Variants in CCNY observed in about 807,000 individuals in gnomAD.
CCNY encodes the protein cyclin Y.
CCNY carries 19 observed loss-of-function variants against 42.8 expected under a neutral mutation model. The observed-to-expected ratio is 0.44, with a 90% confidence interval of 0.31 to 0.65. CCNY has a LOEUF of 0.65. Ranked by LOEUF, CCNY falls within the 30% of genes least tolerant of loss-of-function variation. The probability of loss-of-function intolerance (pLI) is 0.07; values close to 1 mark genes in which losing one functional copy is unlikely to be tolerated. For missense variants in CCNY, 370 were observed against 437.3 expected, an observed-to-expected ratio of 0.85 and a Z score of 1.37; for synonymous variants, 165 against 162.7, an observed-to-expected ratio of 1.01 and a Z score of -0.11.
At chr10:35,449,415 G>A (rs1259109277) in intron 1 of CCNY, among the ~76,000 whole-genome samples, 2 of 152,150 alleles carry the variant, frequency 1.3e-5, no homozygotes, top group African/African-American at 2.4e-5. Flanking sequence ...CTTGGTAAGA[G>A]CTGGAGAGTT....
intron 1 of CCNY, among the ~76,000 whole-genome samples, chr10:35,355,118 T>C (rs1479175603): frequency 6.6e-6 from 1 of 152,054 alleles, no homozygotes; most frequent in Non-Finnish European, 1.5e-5. Flanking sequence ...GGTCAAGGTT[T>C]AGGTTTGGGG....
intron 3 of CCNY, among the ~76,000 whole-genome samples, chr10:35,325,741 T>C (rs1390389002): frequency 3.3e-5 from 5 of 152,132 alleles, no homozygotes. Flanking sequence ...AGTGCTGGGA[T>C]TATAAGGGTT....
chr10:35,311,271 T>C (rs934397398), intron 3 of CCNY, among the ~76,000 whole-genome samples: 2 of 151,680 alleles, frequency 1.3e-5, no homozygotes, highest in African/African-American at 4.9e-5. Flanking sequence ...TGAGCTATGA[T>C]TGTACCACTG....
At chr10:35,249,350 G>T (rs2095710261) in intron 2 of CCNY, among the ~76,000 whole-genome samples, 1 of 152,258 alleles carries the variant, frequency 6.6e-6, no homozygotes, top group South Asian at 2.1e-4. Context: ...TGCAAGCAAT[G>T]AAGCAAGGGC....
chr10:35,495,598 G>A (rs1005289988), intron 2 of CCNY, among the ~76,000 whole-genome samples: 2 of 152,252 alleles, frequency 1.3e-5, no homozygotes, highest in East Asian at 3.9e-4. Context: ...AGAATGTCAC[G>A]TTCCTCTGTG....
At chr10:35,342,720 C>T (rs1836210191) in intron 1 of CCNY, among the ~76,000 whole-genome samples, 1 of 152,176 alleles carries the variant, frequency 6.6e-6, no homozygotes, top group South Asian at 2.1e-4. Flanking sequence ...GTCTTCTTAT[C>T]ATTCTCCCCA....
At chr10:35,498,472 C>T (rs960027378) in intron 2 of CCNY, among the ~76,000 whole-genome samples, 6 of 152,098 alleles carry the variant, frequency 3.9e-5, no homozygotes, top group Admixed American at 1.3e-4. Flanking sequence ...TCCTGCACAG[C>T]GGAGTCCCAC....
At position 35,530,940 on chromosome 10, in the gene CCNY, C is replaced by T. The variant is rs982307383; in HGVS notation, c.579+697C>T. On this transcript the variant is annotated intron_variant, in intron 7 of 9. Coordinates refer to ENST00000374704, the MANE Select transcript of CCNY (RefSeq NM_145012.6). This position sits in a 1 kb window ranked among gnomAD's most constrained non-coding sequence, Gnocchi z 4.3. ...TAAAAGTCAGCTGGCCATGGTGGCA[C>T]GTACCTGTGGTCCCAGCTACTTGGA... Among the ~76,000 whole-genome samples the T allele has an allele frequency of 2.6e-5, 4 of 151,990 alleles. No homozygotes were observed. The highest frequency in any genetic ancestry group is 1.9e-4 in the East Asian group (1 of 5,172).
intron 1 of CCNY, among the ~76,000 whole-genome samples, chr10:35,440,117 C>T (rs760535129): frequency 6.6e-6 from 1 of 152,146 alleles, no homozygotes; most frequent in Non-Finnish European, 1.5e-5. Context: ...GAGCCACAGT[C>T]GTTTTTGGCG....
intron 3 of CCNY, among the ~76,000 whole-genome samples, chr10:35,261,332 G>A (rs533286656): frequency 2.6e-4 from 39 of 151,394 alleles, no homozygotes; most frequent in Non-Finnish European, 5.0e-4. Context: ...CCGCCTTCTG[G>A]GTTCAAGCGA....
intron 1 of CCNY, among the ~76,000 whole-genome samples, chr10:35,392,964 C>A (rs1337917341): frequency 1.3e-5 from 2 of 152,128 alleles, no homozygotes; most frequent in African/African-American, 4.8e-5. Flanking sequence ...CAACCTCCCA[C>A]CCTTGAGCTC....
chr10:35,372,278 T>C (rs1326411195), intron 1 of CCNY, among the ~76,000 whole-genome samples: 1 of 152,170 alleles, frequency 6.6e-6, no homozygotes, highest in Non-Finnish European at 1.5e-5. Flanking sequence ...GGTGGCTTCA[T>C]TTTTTTCTGT....
intron 1 of CCNY, among the ~76,000 whole-genome samples, chr10:35,359,113 G>C (rs1275727895): frequency 6.6e-6 from 1 of 152,212 alleles, no homozygotes; most frequent in Non-Finnish European, 1.5e-5. Flanking sequence ...TGGCAGAGCT[G>C]TTCCCCTGTA....
intron 3 of CCNY, among the ~76,000 whole-genome samples, chr10:35,309,618 A>C (rs961804298): frequency 1.3e-5 from 2 of 151,798 alleles, no homozygotes; most frequent in Non-Finnish European, 2.9e-5. Flanking sequence ...ATGAGGTCTC[A>C]CTATGTTGCT....
At chr10:35,407,689 T>G (rs1837810611) in intron 1 of CCNY, among the ~76,000 whole-genome samples, 1 of 152,126 alleles carries the variant, frequency 6.6e-6, no homozygotes, top group Non-Finnish European at 1.5e-5. Flanking sequence ...TTTTAAGTTC[T>G]TGAGAACACA....
At chr10:35,474,736 G>T (rs1268354534) in intron 1 of CCNY, among the ~76,000 whole-genome samples, 1 of 152,172 alleles carries the variant, frequency 6.6e-6, no homozygotes, top group Admixed American at 6.5e-5. Flanking sequence ...AAAAATCAGA[G>T]CGCCTCTCCT....
chr10:35,536,074 A>C (rs1589190029), intron 7 of CCNY, among the ~76,000 whole-genome samples: 1 of 152,154 alleles, frequency 6.6e-6, no homozygotes, highest in East Asian at 1.9e-4. Context: ...CTCATCTTGA[A>C]TTGTATGTCT....
At chr10:35,496,902 C>G (rs116070834) in intron 2 of CCNY, among the ~76,000 whole-genome samples, 3,491 of 152,278 alleles carry the variant, frequency 0.023, 127 homozygotes, top group African/African-American at 0.079. Context: ...CAAACACTGC[C>G]TTTTACTCTC....
At chr10:35,411,342 G>A (rs977114934) in intron 1 of CCNY, among the ~76,000 whole-genome samples, 4 of 151,740 alleles carry the variant, frequency 2.6e-5, no homozygotes, top group African/African-American at 7.3e-5. Context: ...GTGAAACCCC[G>A]TCTCTACTAA....
Sources: allele counts gnomAD v4.1 joint callset (sites outside exome capture counted in the v4.1 genomes callset), GRCh38; gene constraint gnomAD v4.1.1; non-coding constraint Gnocchi (gnomAD v3.1); transcripts MANE v1.5; gene names NCBI Gene and HGNC (gene_info 2026-07-23, HGNC 2026-07-21).